The following XRCC5 variants were observed in gnomAD, a reference collection of about 807,000 sequenced individuals.
XRCC5 encodes DNA repair protein Ku80.
Under a neutral mutation model 95.7 loss-of-function variants are expected in XRCC5, and 12 were observed. The observed-to-expected ratio is 0.13, with a 90% CI of 0.08 to 0.20. The LOEUF is 0.20. XRCC5 is among the 10% of genes least tolerant of loss of function. The pLI is 1.00. For missense variants in XRCC5, 595 were observed against 873.9 expected, an observed-to-expected ratio of 0.68 and a Z score of 4.02; for synonymous variants, 281 against 290.3, an observed-to-expected ratio of 0.97 and a Z score of 0.33.
chr2:216,128,610 G>T (rs1401057260), intron 8 of XRCC5, among the ~76,000 whole-genome samples: 1 of 152,160 alleles, frequency 6.6e-6, no homozygotes. Flanking sequence ...TTAATCATTT[G>T]ATCCTAGTAT....
chr2:216,185,113 A>C (rs62178694), intron 16 of XRCC5, among the ~76,000 whole-genome samples: 1 of 152,112 alleles, frequency 6.6e-6, no homozygotes, highest in African/African-American at 2.4e-5. Context: ...CCTGAACTCT[A>C]TTTATACCCT....
In XRCC5 at chr2:216,161,991, A is replaced by G. The variant is rs766044699; in HGVS notation, c.1777A>G (p.Asn593Asp). The change falls in exon 16 of 21, where the codon AAT (asparagine) becomes GAT (aspartate). Residue 593 changes from asparagine to aspartate, a missense_variant. Asn to Asp is a conservative substitution (Grantham distance 23, BLOSUM62 1). Transcript: ENST00000392132. ...TGGTATATTTTAGGTTGGAAGTGTG[A>G]ATCCTGCTGAAAACTTCCGTGTTCT... ...EGSVTSVGSVNPAENFRVLVK... is the reference protein window; with the variant it reads ...EGSVTSVGSVDPAENFRVLVK... The G allele has an allele frequency of 6.2e-7, 1 of 1,614,148 alleles. No individual in the cohort carries two copies. The highest frequency in any genetic ancestry group is 8.5e-7 in the Non-Finnish European group (1 of 1,179,970).
chr2:216,187,857 T>TCTCTCTCTCTCTCTCC (rs1239439771), intron 16 of XRCC5, among the ~76,000 whole-genome samples: 14 of 117,212 alleles, frequency 1.2e-4, no homozygotes, highest in Middle Eastern at 3.7e-3. Context: ...TCTCTCTCTC[T>TCTCTCTCTCTCTCTCC]CTCTCCCCGT....
At chr2:216,157,188 C>G (rs1488873142) in intron 14 of XRCC5, among the ~76,000 whole-genome samples, 1 of 151,854 alleles carries the variant, frequency 6.6e-6, no homozygotes, top group Non-Finnish European at 1.5e-5. Flanking sequence ...GCTTTTGCAC[C>G]TTATGCTTTA....
intron 3 of XRCC5, chr2:216,117,460 G>T (rs768233616): frequency 3.7e-4 from 144 of 384,232 alleles, no homozygotes; most frequent in Non-Finnish European, 4.8e-4. Flanking sequence ...ACCAAGAATG[G>T]GTTCTAGATA....
intron 12 of XRCC5, 132 bp from the exon 13 acceptor site, chr2:216,141,054 C>A: frequency 2.0e-6 from 2 of 1,009,260 alleles, no homozygotes; most frequent in Non-Finnish European, 2.9e-6. Flanking sequence ...ACGTGCATAG[C>A]TAGAGAATAC....
At position 216,148,012 on chromosome 2, in the gene XRCC5, C is replaced by T. The variant is rs926589969; in HGVS notation, c.1477-71C>T. On this transcript the variant is annotated intron_variant, in intron 13 of 20. Coordinates refer to ENST00000392132, the MANE Select transcript of XRCC5 (RefSeq NM_021141.4). ...CCTCCCACACTAAAGATGGAGGATC[C>T]CTGATCAGAAAATATAAAGAAGCCA... 2.2e-5 allele frequency: 33 copies of T among 1,490,438 alleles called. No homozygotes were observed. The African/African-American group carries it at 4.3e-4, about 19-fold the overall frequency. 92.3% of individuals were successfully genotyped at this position (1,490,438 alleles called of 1,614,324 possible). A position where few individuals can be genotyped will look rare whatever the true frequency, so the allele number is the denominator to read the frequency against.
At chr2:216,136,431 C>T (rs983547580) in intron 10 of XRCC5, among the ~76,000 whole-genome samples, 1 of 151,046 alleles carries the variant, frequency 6.6e-6, no homozygotes, top group Non-Finnish European at 1.5e-5. Flanking sequence ...TGAAATAATC[C>T]CCAAGTAGAA....
At chr2:216,139,998 C>T (rs760789942) in intron 12 of XRCC5, among the ~76,000 whole-genome samples, 4 of 152,154 alleles carry the variant, frequency 2.6e-5, no homozygotes, top group Non-Finnish European at 4.4e-5. Context: ...TGTAGGAATG[C>T]AATGCCAGGA....
chr2:216,194,234 A>C (rs917756346), intron 18 of XRCC5, among the ~76,000 whole-genome samples: 1 of 152,130 alleles, frequency 6.6e-6, no homozygotes, highest in Admixed American at 6.5e-5. Flanking sequence ...TTTTTTTCTC[A>C]TCAGTGTTAT....
In XRCC5 at chr2:216,130,947, G is replaced by A. The variant is rs1166552769; in HGVS notation, c.1010G>A (p.Gly337Glu). The A allele has an allele frequency of 6.2e-7, 1 of 1,613,476 alleles. No individual in the cohort carries two copies. Reference protein sequence around the residue: ...DEEQMKYKSEGKCFSVLGFCK... With the variant: ...DEEQMKYKSEEKCFSVLGFCK... ...GAACAAATGAAATATAAATCGGAGG[G>A]GAAGTGCTTCTCTGTTTTGGGATTT... The change falls in exon 9 of 21, where the codon GGG (glycine) becomes GAG (glutamate). Residue 337 changes from glycine to glutamate, a missense_variant. Coordinates refer to ENST00000392132, the MANE Select transcript of XRCC5 (RefSeq NM_021141.4).
At chr2:216,160,703 T>G (rs1688936855) in intron 15 of XRCC5, among the ~76,000 whole-genome samples, 1 of 151,928 alleles carries the variant, frequency 6.6e-6, no homozygotes, top group Non-Finnish European at 1.5e-5. Flanking sequence ...TTTTATATCT[T>G]GGTCAGCCAG....
chr2:216,115,429 A>G (rs1696677809), intron 2 of XRCC5, among the ~76,000 whole-genome samples: 1 of 152,230 alleles, frequency 6.6e-6, no homozygotes, highest in Non-Finnish European at 1.5e-5. Context: ...CCTTGCCTTA[A>G]GATGGATGCT....
chr2:216,204,852 C>T (rs1004049827), intron 20 of XRCC5, among the ~76,000 whole-genome samples: 6 of 152,126 alleles, frequency 3.9e-5, no homozygotes, highest in African/African-American at 1.4e-4. Context: ...TTTCTGGACC[C>T]CATTACACCA....
chr2:216,174,930 G>A (rs207933), intron 16 of XRCC5: 100,434 of 343,058 alleles, frequency 0.29, 17,050 homozygotes, highest in Non-Finnish European at 0.38. Flanking sequence ...CACGTCTACC[G>A]CCAGATCCGT....
Position 216,204,382 on chromosome 2 carries a change from G to T in XRCC5, c.2170G>T (p.Asp724Tyr). ...AGCAGCTGTATTTGAAGAAGGTGGTGATGTGGACGATTTAGTAAGTACTTT... is the reference window on the plus strand; with the variant it reads ...AGCAGCTGTATTTGAAGAAGGTGGTTATGTGGACGATTTAGTAAGTACTTT... ...DTAAVFEEGGDVDDLLDMI is the reference protein window; with the variant it reads ...DTAAVFEEGGYVDDLLDMI The change falls in exon 20 of 21, where the codon GAT becomes TAT. Residue 724 changes from aspartate (D) to tyrosine (Y), a missense_variant. Physicochemically the swap from Asp to Tyr is radical, Grantham distance 160 (BLOSUM62 -3). This residue lies in a region of XRCC5 where 309 missense variants were observed against 382.9 expected (regional missense o/e 0.81). Transcript: ENST00000392132. The T allele has an allele frequency of 6.2e-7, 1 of 1,613,934 alleles. No homozygotes were observed. The highest frequency in any genetic ancestry group is 8.5e-7 in the Non-Finnish European group (1 of 1,179,824).
At chr2:216,183,316 T>A (rs1023093706) in intron 16 of XRCC5, among the ~76,000 whole-genome samples, 1 of 152,152 alleles carries the variant, frequency 6.6e-6, no homozygotes, top group Non-Finnish European at 1.5e-5. Context: ...GGTTTTTAAT[T>A]TAACACATCA....
chr2:216,174,599 G>T (rs979757565), intron 16 of XRCC5, among the ~76,000 whole-genome samples: 2 of 152,098 alleles, frequency 1.3e-5, no homozygotes, highest in African/African-American at 2.4e-5. Context: ...TAATGAAAAA[G>T]AAACAGACAA....
At chr2:216,112,481 T>C (rs1005664734) in intron 1 of XRCC5, among the ~76,000 whole-genome samples, 3 of 152,224 alleles carry the variant, frequency 2.0e-5, no homozygotes, top group Non-Finnish European at 1.5e-5. Context: ...TTTGGTGTCT[T>C]TATTTTAGAT....
Sources: allele counts gnomAD v4.1 joint callset (sites outside exome capture counted in the v4.1 genomes callset), GRCh38; gene constraint gnomAD v4.1.1; regional missense constraint gnomAD v4.1.1; transcripts MANE v1.5; gene names NCBI Gene and HGNC (gene_info 2026-07-23, HGNC 2026-07-21).